The following SSH2 variants were observed in gnomAD, a reference collection of about 807,000 sequenced individuals.
SSH2 encodes slingshot protein phosphatase 2.
Under a neutral mutation model 135.2 loss-of-function variants are expected in SSH2, and 37 were observed. The ratio of observed to expected loss-of-function variants is 0.27; its 90% CI spans 0.21 to 0.36. The LOEUF is 0.36. Ranked by LOEUF, SSH2 falls within the 10% of genes least tolerant of loss-of-function variation. The probability of loss-of-function intolerance (pLI) is 1.00; values close to 1 mark genes in which losing one functional copy is unlikely to be tolerated. For synonymous variants in SSH2, 628 were observed against 646.2 expected (o/e 0.97, Z 0.43); for missense variants, 1,408 against 1,765.3 (o/e 0.80, Z 3.63).
At chr17:29,682,200 G>C (rs1378369978) in intron 6 of SSH2, among the ~76,000 whole-genome samples, 2 of 152,168 alleles carry the variant, frequency 1.3e-5, no homozygotes, top group Non-Finnish European at 2.9e-5. Context: ...TTCTGGGTCA[G>C]GAGAATCTGC....
At chr17:29,929,326 A>C (rs965186649) in intron 1 of SSH2, 3 of 154,744 alleles carry the variant, frequency 1.9e-5, no homozygotes, top group Non-Finnish European at 4.3e-5. Flanking sequence ...CTCATAAAGG[A>C]AAGGTAAGAG....
At chr17:29,716,468 A>G in intron 3 of SSH2, 1 of 695,248 alleles carries the variant, frequency 1.4e-6, no homozygotes, top group Non-Finnish European at 2.7e-6. Context: ...GTGTACAACA[A>G]TGCCAGCAGC....
chr17:29,706,352 C>G (rs1246884297), intron 3 of SSH2, among the ~76,000 whole-genome samples: 1 of 152,290 alleles, frequency 6.6e-6, no homozygotes, highest in South Asian at 2.1e-4. Flanking sequence ...CTTCTAAAAA[C>G]AAAAGAATCC....
chr17:29,752,949 C>T (rs2040997365), intron 3 of SSH2, among the ~76,000 whole-genome samples: 1 of 152,018 alleles, frequency 6.6e-6, no homozygotes, highest in Non-Finnish European at 1.5e-5. Context: ...ACTCTGGAGT[C>T]TGACTGCCTG....
chr17:29,730,813 T>C (rs1026815592), intron 3 of SSH2, among the ~76,000 whole-genome samples: 3 of 152,268 alleles, frequency 2.0e-5, no homozygotes, highest in Admixed American at 2.0e-4. Context: ...ACCTACTATG[T>C]ACCCACACAA....
chr17:29,807,558 G>A (rs2042367449), intron 2 of SSH2, among the ~76,000 whole-genome samples: 1 of 152,124 alleles, frequency 6.6e-6, no homozygotes, highest in South Asian at 2.1e-4. Context: ...TATCTGAAAA[G>A]TTGTTCCAAA....
Position 29,870,799 on chromosome 17 carries a change from A to G in SSH2, c.64-21870T>C, listed in dbSNP as rs201381686. On this transcript the variant is annotated intron_variant, in intron 1 of 15. Transcript: ENST00000540801. ...ACCATGCCTTCATTGTCTATTTGAT[A>G]AAAATAAGAGTTTTCTCTTAGAGTT... 2.0e-3 allele frequency among the ~76,000 whole-genome samples: 305 copies of G among 152,330 alleles called. 1 individual carries two copies. The highest frequency in any genetic ancestry group is 7.1e-3 in the African/African-American group (295 of 41,590).
At chr17:29,670,651 G>A (rs181277231) in intron 9 of SSH2, among the ~76,000 whole-genome samples, 61 of 152,318 alleles carry the variant, frequency 4.0e-4, no homozygotes, top group African/African-American at 1.4e-3. Context: ...GCATGCGCCT[G>A]TAATCCCAGC....
intron 11 of SSH2, among the ~76,000 whole-genome samples, chr17:29,665,533 C>T (rs2037234230): frequency 6.6e-6 from 1 of 152,220 alleles, no homozygotes; most frequent in South Asian, 2.1e-4. Context: ...TTCTCCTTCT[C>T]TTCTGTTTCC....
chr17:29,732,167 T>G (rs1281396259), intron 3 of SSH2, among the ~76,000 whole-genome samples: 1 of 152,220 alleles, frequency 6.6e-6, no homozygotes, highest in Non-Finnish European at 1.5e-5. Context: ...TTTCTTCATT[T>G]GTAAAACTAA....
At chr17:29,846,697 A>T (rs927963054) in intron 2 of SSH2, among the ~76,000 whole-genome samples, 2 of 152,248 alleles carry the variant, frequency 1.3e-5, no homozygotes, top group Non-Finnish European at 2.9e-5. Context: ...CTGAAATGGT[A>T]ACTGCATTCA....
chr17:29,739,424 C>T (rs2040483238), intron 3 of SSH2, among the ~76,000 whole-genome samples: 1 of 152,184 alleles, frequency 6.6e-6, no homozygotes, highest in Non-Finnish European at 1.5e-5. Context: ...GTCCTGCTCA[C>T]AACCTTTTAC....
chr17:29,672,402 AG>A lies in SSH2; in HGVS notation c.615-274del, dbSNP rs201155784. ...CAACTCACCAGTGAAAAATAGGTCCAGGTACCTATGGAGCACATGATCCTAT... is the reference window on the plus strand; with the variant it reads ...CAACTCACCAGTGAAAAATAGGTCCAGTACCTATGGAGCACATGATCCTAT... On this transcript the variant is annotated intron_variant, in intron 8 of 15. Coordinates refer to ENST00000540801, the MANE Select transcript of SSH2 (RefSeq NM_001282129.2). Among the ~76,000 whole-genome samples, 1,485 of 152,324 alleles carry A rather than the reference AG, an allele frequency of 9.7e-3. 16 individuals carry two copies. The highest frequency in any genetic ancestry group is 0.014 in the Non-Finnish European group (959 of 68,012).
chr17:29,898,748 GA>G (rs2066491353), intron 1 of SSH2, among the ~76,000 whole-genome samples: 1 of 152,102 alleles, frequency 6.6e-6, no homozygotes, highest in African/African-American at 2.4e-5. Flanking sequence ...CCAATCAATA[GA>G]AAAAGAGGGA....
chr17:29,746,494 G>A (rs1484944830), intron 3 of SSH2, among the ~76,000 whole-genome samples: 1 of 134,162 alleles, frequency 7.5e-6, no homozygotes, highest in Non-Finnish European at 1.5e-5. Context: ...GTTGCAGTGA[G>A]CCAAGATCAT....
At chr17:29,796,905 T>G (rs912940024) in intron 2 of SSH2, among the ~76,000 whole-genome samples, 1 of 151,800 alleles carries the variant, frequency 6.6e-6, no homozygotes, top group Admixed American at 6.6e-5. Context: ...CTCAAACTCC[T>G]GGGTTCAAGC....
intron 13 of SSH2, among the ~76,000 whole-genome samples, chr17:29,648,651 A>G (rs1447396023): frequency 6.6e-6 from 1 of 152,268 alleles, no homozygotes; most frequent in Non-Finnish European, 1.5e-5. Flanking sequence ...GGTAAGTAAC[A>G]TACAGCTTTT....
At chr17:29,719,792 T>C (rs1036726702) in intron 3 of SSH2, among the ~76,000 whole-genome samples, 25 of 152,206 alleles carry the variant, frequency 1.6e-4, no homozygotes, top group Non-Finnish European at 5.9e-5. Context: ...GTTTTGCTCT[T>C]GTTGCCCAGG....
At chr17:29,866,676 T>C (rs1367883740) in intron 1 of SSH2, among the ~76,000 whole-genome samples, 1 of 152,182 alleles carries the variant, frequency 6.6e-6, no homozygotes, top group East Asian at 1.9e-4. Flanking sequence ...GTCTAGTTGC[T>C]AATTAAATGG....
Sources: allele counts gnomAD v4.1 joint callset (sites outside exome capture counted in the v4.1 genomes callset), GRCh38; gene constraint gnomAD v4.1.1; transcripts MANE v1.5; gene names NCBI Gene and HGNC (gene_info 2026-07-23, HGNC 2026-07-21).